The following CCPG1 variants were observed in gnomAD, a reference collection of about 807,000 sequenced individuals.
The protein encoded by CCPG1 is cell cycle progression 1, also known as cell cycle progression protein 1.
In CCPG1, 46 loss-of-function variants were observed where a neutral mutation model predicts 81.3. That is an observed-to-expected ratio of 0.57 (90% CI 0.45 to 0.72). The LOEUF is 0.72. Ranked by LOEUF, CCPG1 falls within the 30% of genes least tolerant of loss-of-function variation. The pLI is 0.00. For missense variants in CCPG1, 902 were observed against 937.6 expected (o/e 0.96, Z 0.50); for synonymous variants, 330 against 305.2 (o/e 1.08, Z -0.85).
chr15:55,403,795 A>G (rs2057168395), intron 1 of CCPG1, among the ~76,000 whole-genome samples: 1 of 152,212 alleles, frequency 6.6e-6, no homozygotes, highest in African/African-American at 2.4e-5. Context: ...AAACACAAAC[A>G]TAATTCAGCC....
At chr15:55,377,395 G>A (rs982683499) in intron 4 of CCPG1, among the ~76,000 whole-genome samples, 3 of 152,182 alleles carry the variant, frequency 2.0e-5, no homozygotes, top group Non-Finnish European at 1.5e-5. Flanking sequence ...TGCAGAAGCT[G>A]AGAAGCCCAT....
At chr15:55,362,095 C>T (rs1304950082) in intron 7 of CCPG1, among the ~76,000 whole-genome samples, 1 of 152,128 alleles carries the variant, frequency 6.6e-6, no homozygotes, top group Non-Finnish European at 1.5e-5. Context: ...TAAGGGTATC[C>T]TTGACTGATT....
intron 8 of CCPG1, chr15:55,357,218 C>A: frequency 1.1e-6 from 1 of 886,120 alleles, no homozygotes; most frequent in South Asian, 5.3e-5. Context: ...AATTCCCTAT[C>A]TCAGTGGTAC....
intron 7 of CCPG1, among the ~76,000 whole-genome samples, chr15:55,361,495 C>T (rs928639699): frequency 5.3e-5 from 8 of 151,466 alleles, no homozygotes; most frequent in African/African-American, 1.9e-4. Context: ...ATCACGAGAT[C>T]AAGAGATCAA....
chr15:55,389,988 ATC>A (rs749939504), intron 1 of CCPG1, among the ~76,000 whole-genome samples: 4 of 152,220 alleles, frequency 2.6e-5, no homozygotes, highest in Non-Finnish European at 5.9e-5. Flanking sequence ...CGGTGGCACG[ATC>A]TCGACTTGCT....
chr15:55,373,346 C>T (rs746143447), intron 5 of CCPG1, among the ~76,000 whole-genome samples: 42 of 152,270 alleles, frequency 2.8e-4, no homozygotes, highest in South Asian at 4.1e-4. Context: ...AACATTCATG[C>T]TCCAGAAAAG....
chr15:55,406,266 A>G (rs1457618918), intron 1 of CCPG1, among the ~76,000 whole-genome samples: 2 of 151,836 alleles, frequency 1.3e-5, no homozygotes, highest in Non-Finnish European at 2.9e-5. Context: ...GAAAGTGAAA[A>G]AAATGATATA....
At chr15:55,396,721 TCAGGG>T (rs1375041661) in intron 1 of CCPG1, among the ~76,000 whole-genome samples, 1 of 152,142 alleles carries the variant, frequency 6.6e-6, no homozygotes, top group East Asian at 1.9e-4. Context: ...AAAACGATGG[TCAGGG>T]CAAGCTTCAT....
intron 6 of CCPG1, among the ~76,000 whole-genome samples, chr15:55,367,951 A>G (rs1325798877): frequency 6.6e-6 from 1 of 152,188 alleles, no homozygotes; most frequent in Non-Finnish European, 1.5e-5. Context: ...CACACCAGCA[A>G]AAAGTTCCGG....
At chr15:55,367,478 T>C (rs771487656) in intron 6 of CCPG1, among the ~76,000 whole-genome samples, 8 of 152,204 alleles carry the variant, frequency 5.3e-5, no homozygotes, top group Non-Finnish European at 8.8e-5. Context: ...TGTCTACAAA[T>C]GCTGCCTATT....
At position 55,359,915 on chromosome 15, in the gene CCPG1, C is replaced by G. The variant is rs1432143395; in HGVS notation, c.1858G>C (p.Glu620Gln). The change falls in exon 8 of 9, where the codon GAA (glutamate) becomes CAA (glutamine). Residue 620 changes from glutamate (E) to glutamine (Q), a missense_variant. This residue lies in a region of CCPG1 where 746 missense variants were observed against 728.6 expected (regional missense o/e 1.02). Transcript: ENST00000442196. ...GCCTTTCTGAAAGAATGAGAATTTT[C>G]TCTACAATCATGCCCAGGACTGCAT... ...KKCSPGHDCR[E>Q]NSHSFRKACS... 8.7e-6 allele frequency: 14 copies of G among 1,613,624 alleles called. No homozygotes were observed. Among genetic ancestry groups the G allele is most frequent in the Non-Finnish European group, 1.2e-5 (14 of 1,179,980 alleles).
intron 2 of CCPG1, among the ~76,000 whole-genome samples, chr15:55,387,822 A>T (rs913614743): frequency 0.024 from 9 of 382 alleles, no homozygotes; most frequent in Admixed American, 0.038. Flanking sequence ...CTGGAATTAC[A>T]GGCGTGAGCA....
intron 6 of CCPG1, among the ~76,000 whole-genome samples, chr15:55,367,158 A>G (rs1189555011): frequency 8.5e-5 from 13 of 152,338 alleles, no homozygotes; most frequent in Non-Finnish European, 1.6e-4. Context: ...GAAGCACGGC[A>G]AGCTTGTTTC....
Position 55,356,077 on chromosome 15 carries a change from G to T in CCPG1, c.*143C>A, listed in dbSNP as rs776478330. On this transcript the variant is annotated 3_prime_UTR_variant, in exon 9 of 9. Coordinates refer to ENST00000442196, the MANE Select transcript of CCPG1 (RefSeq NM_001204450.2). ...TAGACTTTTAACTAATGCTTCTGAG[G>T]AATAATATAAAGTTATCAAACTGAT... is the stretch of plus-strand genomic sequence containing the variant. 171 of 648,918 alleles carry T rather than the reference G, an allele frequency of 2.6e-4. No homozygotes were observed. The Middle Eastern group carries it at 4.2e-3, about 16-fold the overall frequency. 40.2% of individuals were successfully genotyped at this position (648,918 alleles called of 1,614,324 possible).
At chr15:55,386,901 A>T (rs923074728) in intron 2 of CCPG1, among the ~76,000 whole-genome samples, 29 of 151,874 alleles carry the variant, frequency 1.9e-4, no homozygotes, top group Non-Finnish European at 4.1e-4. Context: ...CATCTCAAAA[A>T]AAAAAAAGTA....
At chr15:55,395,350 C>A (rs997049100) in intron 1 of CCPG1, among the ~76,000 whole-genome samples, 17 of 151,894 alleles carry the variant, frequency 1.1e-4, no homozygotes, top group Non-Finnish European at 2.5e-4. Flanking sequence ...AATATGAAAG[C>A]CCCCTGGCAG....
intron 6 of CCPG1, among the ~76,000 whole-genome samples, chr15:55,371,018 TAGG>T (rs1438153213): frequency 6.6e-6 from 1 of 151,102 alleles, no homozygotes; most frequent in Non-Finnish European, 1.5e-5. Context: ...GAGGCTGAGG[TAGG>T]AGAATTGCTA....
At chr15:55,380,796 C>T (rs563187740) in intron 3 of CCPG1, among the ~76,000 whole-genome samples, 1 of 151,732 alleles carries the variant, frequency 6.6e-6, no homozygotes, top group African/African-American at 2.4e-5. Context: ...AGGCAGACCA[C>T]GAGGTCAGGA....
chr15:55,403,900 G>A (rs906901618), intron 1 of CCPG1, among the ~76,000 whole-genome samples: 1 of 152,164 alleles, frequency 6.6e-6, no homozygotes, highest in Non-Finnish European at 1.5e-5. Flanking sequence ...TTCTTAACAT[G>A]TTCAAAAACT....
Sources: allele counts gnomAD v4.1 joint callset (sites outside exome capture counted in the v4.1 genomes callset), GRCh38; gene constraint gnomAD v4.1.1; regional missense constraint gnomAD v4.1.1; transcripts MANE v1.5; gene names NCBI Gene and HGNC (gene_info 2026-07-23, HGNC 2026-07-21).